The following VPS35 variants were observed in gnomAD, a reference collection of about 807,000 sequenced individuals.
The protein encoded by VPS35 is vacuolar protein sorting-associated protein 35.
A neutral mutation model predicts 98.1 loss-of-function variants in VPS35; 21 were observed. The observed-to-expected ratio is 0.21, with a 90% CI of 0.15 to 0.31. VPS35 has a LOEUF of 0.31. Ranked by LOEUF, VPS35 falls within the 10% of genes least tolerant of loss-of-function variation. VPS35 has a pLI of 1.00. For synonymous variants in VPS35, 268 were observed against 318.2 expected (o/e 0.84, Z 1.68); for missense variants, 554 against 950.8 (o/e 0.58, Z 5.49).
chr16:46,673,060 T>C (rs1966091766), intron 10 of VPS35, among the ~76,000 whole-genome samples: 1 of 152,322 alleles, frequency 6.6e-6, no homozygotes, highest in South Asian at 2.1e-4. Flanking sequence ...CTTTGTCTAT[T>C]TTTACTTTAA....
intron 7 of VPS35, among the ~76,000 whole-genome samples, 200 bp downstream of exon 7, chr16:46,677,115 T>C (rs1180859542): frequency 6.6e-6 from 1 of 151,428 alleles, no homozygotes; most frequent in East Asian, 2.0e-4. Flanking sequence ...AGGCTGGTTT[T>C]GAACTCCTGG....
chr16:46,683,469 C>A (rs1966263445), intron 2 of VPS35, 39 bp downstream of exon 2: 1 of 1,585,676 alleles, frequency 6.3e-7, no homozygotes, highest in East Asian at 2.2e-5. Flanking sequence ...CTTAGGAACA[C>A]ACGAACTGCA....
intron 10 of VPS35, chr16:46,673,659 G>A (rs535103635): frequency 1.3e-5 from 2 of 153,494 alleles, no homozygotes; most frequent in East Asian, 3.8e-4. Context: ...TTCCTTTAAG[G>A]TATCAAAATC....
At chr16:46,671,961 A>G (rs958827980) in intron 11 of VPS35, 101 bp from the exon 12 acceptor site, 2 of 1,496,556 alleles carry the variant, frequency 1.3e-6, no homozygotes, top group Non-Finnish European at 1.8e-6. Flanking sequence ...ATACAGTATC[A>G]ACAAGATATT....
intron 4 of VPS35, 47 bp downstream of exon 4, chr16:46,681,330 T>C (rs759974796): frequency 6.2e-6 from 10 of 1,611,170 alleles, no homozygotes; most frequent in Non-Finnish European, 8.5e-6. Context: ...ACGTAACATA[T>C]AGTGAGAAAT....
intron 13 of VPS35, among the ~76,000 whole-genome samples, chr16:46,666,928 T>C (rs1965998683): frequency 6.6e-6 from 1 of 152,226 alleles, no homozygotes; most frequent in Non-Finnish European, 1.5e-5. Context: ...GCAATAAACA[T>C]GGGAGTGCAG....
At chr16:46,668,481 G>C (rs1966021036) in intron 13 of VPS35, among the ~76,000 whole-genome samples, 1 of 152,056 alleles carries the variant, frequency 6.6e-6, no homozygotes, top group Non-Finnish European at 1.5e-5. Context: ...GTGAGCTTGA[G>C]GTATTTTCTT....
rs1022007255 is a variant in VPS35 at position 46,661,950 on chromosome 16, G to T, written c.2068-89C>A. 9.0e-6 allele frequency: 14 copies of T among 1,547,790 alleles called. No individual in the cohort carries two copies. The South Asian group carries it at 1.6e-4, about 18-fold the overall frequency. ...AACACAACACTACCGTGGCTCTTTC[G>T]TGTTTTAAAGGGACATAACAAATTT... is the stretch of plus-strand genomic sequence containing the variant. On this transcript the variant is annotated intron_variant, in intron 15 of 16. Transcript: ENST00000299138. This position sits in a 1 kb window ranked among gnomAD's most constrained non-coding sequence, Gnocchi z 4.3.
rs377476545 is a variant in VPS35, at chr16:46,662,229, A to G, written c.2067+14T>C. ...GGATCCTGTCTGCTATCATGCAGTC[A>G]GGAATGACCTTACCTCCTCCCCATT... On this transcript the variant is annotated intron_variant, in intron 15 of 16. Transcript: ENST00000299138. 6.2e-7 allele frequency: 1 copy of G among 1,614,064 alleles called. No individual in the cohort carries two copies. Among genetic ancestry groups the G allele is most frequent in the Non-Finnish European group, 8.5e-7 (1 of 1,180,042 alleles).
chr16:46,683,384 A>C (rs1966261900), intron 2 of VPS35, 124 bp downstream of exon 2: 1 of 908,956 alleles, frequency 1.1e-6, no homozygotes, highest in Admixed American at 2.0e-5. Flanking sequence ...GATGAGACTG[A>C]AGATAGATGC....
intron 1 of VPS35, chr16:46,688,511 A>C: frequency 2.0e-6 from 2 of 988,174 alleles, no homozygotes; most frequent in Non-Finnish European, 2.4e-6. Flanking sequence ...TAAAGTAAAC[A>C]ATCAGTCTCC....
In VPS35 at chr16:46,661,938, C is replaced by T. The variant is rs572540025; in HGVS notation, c.2068-77G>A. ...TTCATACAAAGAAACACAACACTAC[C>T]GTGGCTCTTTCGTGTTTTAAAGGGA... On this transcript the variant is annotated intron_variant, in intron 15 of 16. Coordinates refer to ENST00000299138, the MANE Select transcript of VPS35 (RefSeq NM_018206.6). The surrounding 1 kb of genome is among the most constrained non-coding windows in gnomAD (Gnocchi z 4.3). The T allele has an allele frequency of 1.6e-5, 25 of 1,585,496 alleles. No homozygotes were observed. The highest frequency in any genetic ancestry group is 2.7e-5 in the African/African-American group (2 of 74,054).
At chr16:46,672,185 C>A in intron 11 of VPS35, 80 bp downstream of exon 11, 1 of 1,210,650 alleles carries the variant, frequency 8.3e-7, no homozygotes, top group East Asian at 2.4e-5. Context: ...ATTACCCTCC[C>A]CTCCCATCTC....
chr16:46,682,206 T>C (rs1250931991), intron 2 of VPS35, 31 bp from the exon 3 acceptor site: 1 of 1,488,062 alleles, frequency 6.7e-7, no homozygotes, highest in South Asian at 1.1e-5. Flanking sequence ...TAGATGAGAA[T>C]GCTTAATTTA....
At chr16:46,683,266 C>G in intron 2 of VPS35, 1 of 560,190 alleles carries the variant, frequency 1.8e-6, no homozygotes, top group Non-Finnish European at 3.2e-6. Context: ...GTCTCTTATT[C>G]TTATGAGCTT....
At chr16:46,684,802 A>G (rs960672619) in intron 1 of VPS35, among the ~76,000 whole-genome samples, 5 of 152,230 alleles carry the variant, frequency 3.3e-5, no homozygotes, top group African/African-American at 1.2e-4. Flanking sequence ...AGACTGAATA[A>G]TTAATGGATG....
In VPS35 at chr16:46,681,395, C is replaced by G; in HGVS notation, c.305G>C (p.Gly102Ala). ...TACTTACAGCCTTGGGATAATGTTT[C>G]CAGCATACTGTACAAGTTCGTAGAG... ...ADLYELVQYA[G>A]NIIPRLYLLI... is the part of the protein sequence containing the mutation. The change falls in exon 4 of 17, where the codon GGA becomes GCA. Residue 102 changes from glycine to alanine, a missense_variant. This residue lies in a region of VPS35 where 77 missense variants were observed against 222.3 expected (regional missense o/e 0.35). Coordinates refer to ENST00000299138, the MANE Select transcript of VPS35 (RefSeq NM_018206.6). 1 of 1,613,700 alleles carries G rather than the reference C, an allele frequency of 6.2e-7. No individual in the cohort carries two copies. The highest frequency in any genetic ancestry group is 1.3e-5 in the African/African-American group (1 of 75,008).
intron 13 of VPS35, among the ~76,000 whole-genome samples, chr16:46,664,456 C>A (rs1025916758): frequency 4.0e-5 from 6 of 149,108 alleles, no homozygotes; most frequent in Non-Finnish European, 4.5e-5. Context: ...TGCATCTAGA[C>A]CTTATTTTCT....
At chr16:46,681,032 T>TACACACACACAC (rs3040555) in intron 4 of VPS35, among the ~76,000 whole-genome samples, 179 bp from the exon 5 acceptor site, 34 of 142,008 alleles carry the variant, frequency 2.4e-4, no homozygotes, top group African/African-American at 8.0e-4. Flanking sequence ...AAAAAAACTA[T>TACACACACACAC]ACACACACAC....
Sources: gnomAD v4.1 joint callset for allele counts (sites outside exome capture counted in the v4.1 genomes callset) on GRCh38, gnomAD v4.1.1 for gene constraint, gnomAD v4.1.1 regional missense constraint, Gnocchi (gnomAD v3.1) non-coding constraint, MANE v1.5 for transcripts, NCBI Gene and HGNC (gene_info 2026-07-23, HGNC 2026-07-21) for gene names.